Variants in TPO observed in about 807,000 individuals in gnomAD.
TPO encodes thyroid microsomal antigen.
TPO carries 78 observed loss-of-function variants against 96.9 expected under a neutral mutation model. That is an observed-to-expected ratio of 0.81 (90% CI 0.67 to 0.97). TPO has a LOEUF of 0.97. Ranked by LOEUF, TPO falls within the 50% of genes least tolerant of loss-of-function variation. The pLI, the probability that TPO is intolerant of heterozygous loss-of-function variation, is 0.00. For missense variants in TPO, 1,252 were observed against 1,274.8 expected (o/e 0.98, Z 0.27); for synonymous variants, 547 against 538.0 (o/e 1.02, Z -0.23).
At position 1,487,848 on chromosome 2, in the gene TPO, T is replaced by G. The variant is rs762644335; in HGVS notation, c.1625T>G (p.Leu542Arg). 3.3e-5 allele frequency: 54 copies of G among 1,614,254 alleles called. No individual in the cohort carries two copies. The highest frequency in any genetic ancestry group is 3.9e-5 in the Non-Finnish European group (46 of 1,180,038). ...GGTTTGGACCCACTAATACGAGGCC[T>G]TCTTGCAAGACCAGCCAAACTGCAG... ...GGGLDPLIRG[L>R]LARPAKLQVQ... The change falls in exon 10 of 17, where the codon CTT becomes CGT. Residue 542 changes from leucine to arginine, a missense_variant. Physicochemically the swap from Leu to Arg is moderately radical, Grantham distance 102. Coordinates refer to ENST00000329066, the MANE Select transcript of TPO (RefSeq NM_001206744.2).
chr2:1,463,744 G>A (rs1237545423), intron 7 of TPO, among the ~76,000 whole-genome samples: 1 of 152,162 alleles, frequency 6.6e-6, no homozygotes, highest in African/African-American at 2.4e-5. Flanking sequence ...ATGTTCCACT[G>A]GGTGCTGCAA....
At chr2:1,482,752 G>C (rs1245177829) in intron 8 of TPO, among the ~76,000 whole-genome samples, 2 of 152,188 alleles carry the variant, frequency 1.3e-5, no homozygotes, top group Non-Finnish European at 1.5e-5. Context: ...ATAGCTCACT[G>C]CAGCCTCAAC....
intron 7 of TPO, among the ~76,000 whole-genome samples, chr2:1,459,670 G>A (rs1668220796): frequency 6.6e-6 from 1 of 152,128 alleles, no homozygotes; most frequent in Non-Finnish European, 1.5e-5. Context: ...GGTCCCAGTG[G>A]GCAAAATCAA....
upstream of TPO, among the ~76,000 whole-genome samples, chr2:1,412,371 C>T (rs1303802716): frequency 6.6e-6 from 1 of 152,180 alleles, no homozygotes; most frequent in African/African-American, 2.4e-5. Context: ...TCTGGTCCTT[C>T]CTCTCTATCC....
chr2:1,510,098 C>T (rs982947974), intron 14 of TPO, among the ~76,000 whole-genome samples: 1 of 152,210 alleles, frequency 6.6e-6, no homozygotes, highest in African/African-American at 2.4e-5. Flanking sequence ...AAATAGTATC[C>T]TCTCTTCCTT....
At chr2:1,447,943 G>A (rs1666969563) in intron 5 of TPO, among the ~76,000 whole-genome samples, 1 of 152,184 alleles carries the variant, frequency 6.6e-6, no homozygotes, top group East Asian at 1.9e-4. Context: ...TAAGCCTACT[G>A]AGAAAAAGAC....
intron 1 of TPO, among the ~76,000 whole-genome samples, chr2:1,392,328 C>A (rs934283721): frequency 7.2e-5 from 11 of 152,088 alleles, no homozygotes; most frequent in African/African-American, 2.7e-4. Flanking sequence ...ATATGTTGAA[C>A]GAGCCTTGCA....
intron 3 of TPO, 102 bp from the exon 4 acceptor site, chr2:1,433,334 GAC>G (rs1665220417): frequency 6.9e-7 from 1 of 1,441,642 alleles, no homozygotes; most frequent in South Asian, 1.2e-5. Context: ...CATTGTCTGG[GAC>G]ACAGTAGTTA....
At chr2:1,491,129 C>T (rs2124896820) in intron 10 of TPO, among the ~76,000 whole-genome samples, 1 of 152,172 alleles carries the variant, frequency 6.6e-6, no homozygotes, top group Non-Finnish European at 1.5e-5. Context: ...GAGATCATGC[C>T]TCTGCACTCC....
chr2:1,523,798 C>G (rs1558403341), intron 15 of TPO, among the ~76,000 whole-genome samples: 2 of 131,974 alleles, frequency 1.5e-5, no homozygotes, highest in South Asian at 5.5e-4. Context: ...TCACTGTGTG[C>G]AACCTCCCCA....
intron 6 of TPO, among the ~76,000 whole-genome samples, chr2:1,455,312 A>C (rs938152475): frequency 6.6e-6 from 1 of 152,140 alleles, no homozygotes; most frequent in Non-Finnish European, 1.5e-5. Flanking sequence ...CAGATGACCC[A>C]CTGACCCTCA....
intron 10 of TPO, among the ~76,000 whole-genome samples, chr2:1,490,029 CAG>C (rs1174497277): frequency 4.6e-5 from 4 of 87,514 alleles, no homozygotes; most frequent in South Asian, 4.8e-4. Context: ...GGGTCCCACA[CAG>C]GGGGAGTCGC....
chr2:1,485,548 A>G (rs184255627), intron 9 of TPO, among the ~76,000 whole-genome samples: 1 of 151,668 alleles, frequency 6.6e-6, no homozygotes, highest in Non-Finnish European at 1.5e-5. Flanking sequence ...CCTTTTCTCC[A>G]CATCCTCTCC....
At chr2:1,414,098 A>G (rs1662629276) in intron 1 of TPO, among the ~76,000 whole-genome samples, 2 of 152,156 alleles carry the variant, frequency 1.3e-5, no homozygotes, top group Admixed American at 6.5e-5. Context: ...CTGTTACACT[A>G]TTTGACATTA....
At chr2:1,464,812 T>C (rs988751143) in intron 7 of TPO, among the ~76,000 whole-genome samples, 2 of 152,218 alleles carry the variant, frequency 1.3e-5, no homozygotes, top group African/African-American at 4.8e-5. Flanking sequence ...CTTTGTCAGA[T>C]GTGTGGATTG....
chr2:1,508,674 G>C (rs1466110885), intron 14 of TPO, among the ~76,000 whole-genome samples: 1 of 152,216 alleles, frequency 6.6e-6, no homozygotes, highest in Non-Finnish European at 1.5e-5. Flanking sequence ...TATTTGCGTA[G>C]AGGTGTTTAT....
chr2:1,531,333 A>C, intron 15 of TPO, among the ~76,000 whole-genome samples: 1 of 94,072 alleles, frequency 1.1e-5, no homozygotes, highest in African/African-American at 4.7e-5. Flanking sequence ...AACCTCCCCA[A>C]ATCCCTCCCA....
rs557959039 is a variant in TPO, at chr2:1,450,063, C to T, written c.483-3631C>T. Among the ~76,000 whole-genome samples the T allele has an allele frequency of 6.6e-5, 10 of 152,318 alleles. 1 individual carries two copies. The highest frequency in any genetic ancestry group is 3.9e-4 in the East Asian group (2 of 5,178). On this transcript the variant is annotated intron_variant, in intron 5 of 16. Transcript: ENST00000329066. The stretch of plus-strand genomic sequence containing the variant: ...CTGGCCCAGCAGGATGAGGGCATCC[C>T]GTGTCCCGCTGCTGCCCCGCTGAGA...
rs140260498 is a variant in TPO at position 1,514,451 on chromosome 2, G to T, written c.2519-2432G>T. ...ATTCTCCAAAATCCCAGTGCCCTCT[G>T]TCTGCCCAGGGCCTGCCCAAACCCG... On this transcript the variant is annotated intron_variant, in intron 14 of 16. Transcript: ENST00000329066. Among the ~76,000 whole-genome samples, 6 of 152,332 alleles carry T rather than the reference G, an allele frequency of 3.9e-5. No homozygotes were observed. In the East Asian group the frequency reaches 1.2e-3, roughly 29 times the overall value.
Sources: allele counts gnomAD v4.1 joint callset (sites outside exome capture counted in the v4.1 genomes callset), GRCh38; gene constraint gnomAD v4.1.1; transcripts MANE v1.5; gene names NCBI Gene and HGNC (gene_info 2026-07-23, HGNC 2026-07-21).